The following AGMO variants were observed in gnomAD, a reference collection of about 807,000 sequenced individuals.
AGMO encodes glyceryl-ether monooxygenase.
Under a neutral mutation model 60.2 loss-of-function variants are expected in AGMO, and 75 were observed. That is an observed-to-expected ratio of 1.25 (90% CI 1.03 to 1.51). The LOEUF is 1.51. Ranked by LOEUF, AGMO falls within the 40% of genes most tolerant of loss-of-function variation. The pLI is 0.00. For missense variants in AGMO, 763 were observed against 525.5 expected, an observed-to-expected ratio of 1.45 and a Z score of -4.42; for synonymous variants, 261 against 177.1, an observed-to-expected ratio of 1.47 and a Z score of -3.76.
At chr7:15,295,043 T>C (rs1784372072) in intron 12 of AGMO, among the ~76,000 whole-genome samples, 1 of 151,850 alleles carries the variant, frequency 6.6e-6, no homozygotes. Context: ...AAGAGATGTA[T>C]TTCTCATTAT....
At chr7:15,311,953 T>G (rs1020523398) in intron 12 of AGMO, among the ~76,000 whole-genome samples, 9 of 152,064 alleles carry the variant, frequency 5.9e-5, no homozygotes, top group Admixed American at 4.6e-4. Context: ...AATGGATGGG[T>G]TTAATATCAG....
the AGMO span, among the ~76,000 whole-genome samples, chr7:15,163,751 G>A: frequency 1.3e-5 from 2 of 150,272 alleles, no homozygotes; most frequent in East Asian, 2.0e-4. Context: ...TTGCATCTAT[G>A]TTCATCTGGG....
At chr7:15,534,877 G>C (rs1017827760) in intron 3 of AGMO, among the ~76,000 whole-genome samples, 1 of 151,652 alleles carries the variant, frequency 6.6e-6, no homozygotes, top group Non-Finnish European at 1.5e-5. Context: ...ATATTATTTA[G>C]AGAAAACATA....
At chr7:15,420,456 C>G (rs1283852452) in intron 4 of AGMO, among the ~76,000 whole-genome samples, 1 of 152,020 alleles carries the variant, frequency 6.6e-6, no homozygotes, top group Non-Finnish European at 1.5e-5. Flanking sequence ...TTCCAAAATA[C>G]TATATTTCTA....
intron 12 of AGMO, among the ~76,000 whole-genome samples, chr7:15,341,154 C>T (rs1364678268): frequency 6.6e-6 from 1 of 152,114 alleles, no homozygotes; most frequent in Non-Finnish European, 1.5e-5. Flanking sequence ...TAACATTTGG[C>T]TCCTTGTTAC....
chr7:15,512,531 G>C (rs561244857), intron 3 of AGMO, among the ~76,000 whole-genome samples: 5 of 152,144 alleles, frequency 3.3e-5, no homozygotes, highest in Non-Finnish European at 7.3e-5. Flanking sequence ...GAGATTACAG[G>C]CGTGAACCAC....
intron 3 of AGMO, among the ~76,000 whole-genome samples, chr7:15,481,789 A>ATT (rs5882513): frequency 0.028 from 2,786 of 98,650 alleles, 79 homozygotes; most frequent in African/African-American, 0.044. Context: ...GACTAAATGT[A>ATT]TTTTTTTTTT....
intron 3 of AGMO, among the ~76,000 whole-genome samples, chr7:15,493,365 CTT>C (rs71004387): frequency 0.088 from 5,834 of 66,592 alleles, 1,510 homozygotes; most frequent in East Asian, 0.37. Flanking sequence ...ACACACACTT[CTT>C]TTTTTTTTTT....
At chr7:15,260,447 T>C (rs567301747) in intron 12 of AGMO, among the ~76,000 whole-genome samples, 2 of 152,164 alleles carry the variant, frequency 1.3e-5, no homozygotes, top group African/African-American at 4.8e-5. Flanking sequence ...ATAAAAGGAC[T>C]AGTACAACAG....
chr7:15,188,420 A>G, the AGMO span, among the ~76,000 whole-genome samples: 10 of 152,312 alleles, frequency 6.6e-5, no homozygotes, highest in South Asian at 2.1e-3. Context: ...CATGTCCATT[A>G]TTATACTTAC....
At chr7:15,253,941 T>G (rs994831507) in intron 12 of AGMO, among the ~76,000 whole-genome samples, 2 of 152,048 alleles carry the variant, frequency 1.3e-5, no homozygotes, top group Admixed American at 6.5e-5. Flanking sequence ...AGAGTAAGAT[T>G]GTGTAGTATT....
At chr7:15,558,533 G>A (rs1047689980) in intron 2 of AGMO, among the ~76,000 whole-genome samples, 1 of 151,850 alleles carries the variant, frequency 6.6e-6, no homozygotes, top group African/African-American at 2.4e-5. Flanking sequence ...CTGCTTAAAG[G>A]GGACAAGTAT....
Position 15,202,882 on chromosome 7 carries a change from A to C in AGMO, c.1264-1523T>G, listed in dbSNP as rs118060975. On this transcript the variant is annotated intron_variant, in intron 12 of 12. Transcript: ENST00000342526. Reference sequence around the variant, plus strand: ...TGAAAGCTCTTAGACTTGTGCAATGAGTTGCATTTGTCCATGAAAATGGGT... The same window carrying C: ...TGAAAGCTCTTAGACTTGTGCAATGCGTTGCATTTGTCCATGAAAATGGGT... Among the ~76,000 whole-genome samples, 175 of 152,244 alleles carry C rather than the reference A, an allele frequency of 1.1e-3. 1 individual carries two copies. The highest frequency in any genetic ancestry group is 2.0e-3 in the Non-Finnish European group (139 of 67,998).
Position 15,354,313 on chromosome 7 carries a change from C to T in AGMO, c.1263+11201G>A, listed in dbSNP as rs539107335. Among the ~76,000 whole-genome samples the T allele has an allele frequency of 2.7e-3, 234 of 87,330 alleles. 44 individuals carry two copies. The highest frequency in any genetic ancestry group is 0.015 in the African/African-American group (217 of 14,780). The allele number at this position is 87,330 out of a possible 152,430, so 57.3% of individuals were successfully genotyped here. ...AGATAAATATATATACGTGTATACA[C>T]GCGTGTATATACGTACGCGTGTATA... On this transcript the variant is annotated intron_variant, in intron 12 of 12. Transcript: ENST00000342526.
intron 12 of AGMO, among the ~76,000 whole-genome samples, chr7:15,274,838 A>T (rs1330189163): frequency 6.6e-6 from 1 of 151,830 alleles, no homozygotes; most frequent in Admixed American, 6.6e-5. Context: ...TAGTTTGTGC[A>T]CATAGAGATG....
At chr7:15,452,432 A>G (rs916399925) in intron 3 of AGMO, among the ~76,000 whole-genome samples, 2 of 152,232 alleles carry the variant, frequency 1.3e-5, no homozygotes, top group African/African-American at 4.8e-5. Context: ...ATGTATTTCA[A>G]TAGAAATTTA....
At chr7:15,297,264 TA>T (rs1294406551) in intron 12 of AGMO, among the ~76,000 whole-genome samples, 1 of 152,130 alleles carries the variant, frequency 6.6e-6, no homozygotes, top group African/African-American at 2.4e-5. Flanking sequence ...CACAGAACTG[TA>T]AAAAATGTAG....
intron 5 of AGMO, among the ~76,000 whole-genome samples, chr7:15,394,926 C>T (rs1478498164): frequency 6.6e-6 from 1 of 152,126 alleles, no homozygotes; most frequent in East Asian, 1.9e-4. Flanking sequence ...GTGCCTAATT[C>T]TCACATTTCT....
the AGMO span, among the ~76,000 whole-genome samples, chr7:15,165,947 A>G: frequency 6.6e-6 from 1 of 152,114 alleles, no homozygotes; most frequent in South Asian, 2.1e-4. Flanking sequence ...ATTTATAGGT[A>G]TGTATATAAA....
Sources: gnomAD v4.1 joint callset for allele counts (sites outside exome capture counted in the v4.1 genomes callset) on GRCh38, gnomAD v4.1.1 for gene constraint, MANE v1.5 for transcripts, NCBI Gene and HGNC (gene_info 2026-07-23, HGNC 2026-07-21) for gene names.